TMEM18: variants seen among roughly 807,000 people sequenced by gnomAD.
The protein encoded by TMEM18 is transmembrane protein 18.
TMEM18 carries 14 observed loss-of-function variants against 17.4 expected under a neutral mutation model. The ratio of observed to expected loss-of-function variants is 0.80; its 90% CI spans 0.53 to 1.25. TMEM18 has a LOEUF of 1.25. Ranked by LOEUF, TMEM18 falls within the 50% of genes most tolerant of loss-of-function variation. The pLI is 0.00. For missense variants in TMEM18, 187 were observed against 172.1 expected (o/e 1.09, Z -0.48); for synonymous variants, 86 against 66.1 (o/e 1.30, Z -1.46).
At position 666,219 on chromosome 2, in the gene TMEM18, C is replaced by A. The variant is rs1013384833; in HGVS notation, c.*3361G>T. ...CAGGACTGGAGCAGAAGGCAGTAGCCCTGAGGCTTACAGAGCAGACCCTAT... is the reference window on the plus strand; with the variant it reads ...CAGGACTGGAGCAGAAGGCAGTAGCACTGAGGCTTACAGAGCAGACCCTAT... On this transcript the variant is annotated 3_prime_UTR_variant, in exon 5 of 5. Coordinates refer to ENST00000281017, the MANE Select transcript of TMEM18 (RefSeq NM_152834.4). Among the ~76,000 whole-genome samples, 1 of 152,164 alleles carries A rather than the reference C, an allele frequency of 6.6e-6. No individual in the cohort carries two copies. The highest frequency in any genetic ancestry group is 1.5e-5 in the Non-Finnish European group (1 of 68,026).
intron 2 of TMEM18, among the ~76,000 whole-genome samples, chr2:673,764 G>C (rs1277135164): frequency 7.0e-6 from 1 of 143,338 alleles, no homozygotes; most frequent in Non-Finnish European, 1.5e-5. Context: ...GGGAGGATGG[G>C]GGGGAAGGAG....
At position 667,550 on chromosome 2, in the gene TMEM18, T is replaced by C. The variant is rs1030710022; in HGVS notation, c.*2030A>G. 6.6e-6 allele frequency: 1 copy of C among 152,232 alleles called. No individual in the cohort carries two copies. Among genetic ancestry groups the C allele is most frequent in the African/African-American group, 2.4e-5 (1 of 41,460 alleles). 9.4% of individuals were successfully genotyped at this position (152,232 alleles called of 1,614,324 possible). A position where few individuals can be genotyped will look rare whatever the true frequency, so the allele number is the denominator to read the frequency against. ...GTGCTCTGTGCAACCCCCAGTGCTT[T>C]AAAGTGGGATTGCACCTGTGCTTTC... On this transcript the variant is annotated 3_prime_UTR_variant, in exon 5 of 5. Transcript: ENST00000281017.
Position 676,104 on chromosome 2 carries a change from A to G in TMEM18, c.58-474T>C, listed in dbSNP as rs370432018. Reference sequence around the variant, plus strand: ...CATCATTTCAGACTCCTTAGTCAGCACTGAAGACCTCAGGGAATCTTGAGC... The same window carrying G: ...CATCATTTCAGACTCCTTAGTCAGCGCTGAAGACCTCAGGGAATCTTGAGC... On this transcript the variant is annotated intron_variant, in intron 1 of 4. Coordinates refer to ENST00000281017, the MANE Select transcript of TMEM18 (RefSeq NM_152834.4). 5.0e-5 allele frequency: 66 copies of G among 1,322,558 alleles called. No homozygotes were observed. The East Asian group carries it at 6.3e-4, about 13-fold the overall frequency. 81.9% of individuals were successfully genotyped at this position (1,322,558 alleles called of 1,614,324 possible).
chr2:670,739 T>G (rs1054239632), intron 3 of TMEM18: 1 of 152,946 alleles, frequency 6.5e-6, no homozygotes, highest in Non-Finnish European at 1.5e-5. Flanking sequence ...CGTGGAGTCG[T>G]AGGCACAGCC....
intron 2 of TMEM18, among the ~76,000 whole-genome samples, chr2:675,093 C>A (rs994292735): frequency 2.0e-5 from 3 of 152,246 alleles, no homozygotes; most frequent in Admixed American, 2.0e-4. Flanking sequence ...AGTTCTGTAG[C>A]CCTTATCCTT....
rs781451628 is a variant in TMEM18 at position 675,581 on chromosome 2, G to A, written c.107C>T (p.Ala36Val). The change falls in exon 2 of 5, where the codon GCG (alanine) becomes GTG (valine). Residue 36 changes from alanine to valine, a missense_variant. By Grantham distance (64) the Ala-to-Val change is moderately conservative. Coordinates refer to ENST00000281017, the MANE Select transcript of TMEM18 (RefSeq NM_152834.4). ...CAAGCAGGTGAGGAGCACGCAGAGC[G>A]CGTGGAAGGTGGCCAGCCCCATGAG... ...PWLMGLATFHALCVLLTCLSS... is the reference protein window; with the variant it reads ...PWLMGLATFHVLCVLLTCLSS... The A allele has an allele frequency of 7.8e-5, 126 of 1,614,216 alleles. 1 individual carries two copies. Among genetic ancestry groups the A allele is most frequent in the South Asian group, 6.1e-4 (56 of 91,088 alleles).
At position 672,797 on chromosome 2, in the gene TMEM18, G is replaced by A; in HGVS notation, c.233+11C>T. ...GCAGGGACCTGGTCACAGGCCCGGG[G>A]GTGGGCTCACCTCCAGTTCATCGCA... On this transcript the variant is annotated intron_variant, in intron 3 of 4. Transcript: ENST00000281017. 10 of 1,465,492 alleles carry A rather than the reference G, an allele frequency of 6.8e-6. No individual in the cohort carries two copies. Among genetic ancestry groups the A allele is most frequent in the Non-Finnish European group, 9.0e-6 (10 of 1,111,096 alleles). The allele number at this position is 1,465,492 out of a possible 1,614,324, so 90.8% of individuals were successfully genotyped here.
In TMEM18 at chr2:675,604, G is replaced by A. The variant is rs966076282; in HGVS notation, c.84C>T (p.Leu28=). 1.1e-5 allele frequency: 17 copies of A among 1,614,042 alleles called. No homozygotes were observed. The highest frequency in any genetic ancestry group is 1.4e-5 in the Non-Finnish European group (16 of 1,180,042). The part of the protein sequence containing the change: ...LTQTDWTEPW[L]MGLATFHALC... ...GCGCGTGGAAGGTGGCCAGCCCCAT[G>A]AGCCAGGGCTCAGTCCAGTCCGTCT... The change falls in exon 2 of 5, where the codon CTC becomes CTT. Residue 28 remains leucine, a synonymous_variant. Coordinates refer to ENST00000281017, the MANE Select transcript of TMEM18 (RefSeq NM_152834.4).
At chr2:675,677 C>T (rs1289944305) in intron 1 of TMEM18, 47 bp from the exon 2 acceptor site, 9 of 1,605,072 alleles carry the variant, frequency 5.6e-6, no homozygotes, top group African/African-American at 1.3e-5. Flanking sequence ...CACTCAAGGC[C>T]GGGTTCACGG....
rs779726251 is a variant in TMEM18, at chr2:669,781, C to T, written c.303G>A (p.Leu101=). The stretch of plus-strand genomic sequence containing the variant: ...CCACAATGATCATGGCATTCACCAG[C>T]AGTGGGGCTGAAAATACTATAGAAA... The part of the protein sequence containing the change: ...MFISIVFSAP[L]LVNAMIIVVM... Residue 101 remains leucine (L), a synonymous_variant, in exon 4 of 5, where the codon CTG becomes CTA. Coordinates refer to ENST00000281017, the MANE Select transcript of TMEM18 (RefSeq NM_152834.4). 1 of 1,613,958 alleles carries T rather than the reference C, an allele frequency of 6.2e-7. No individual in the cohort carries two copies.
chr2:676,927 C>G, intron 1 of TMEM18: 1 of 476,970 alleles, frequency 2.1e-6, no homozygotes. Context: ...GACGCCAGCC[C>G]AGCCCAAGCC....
In TMEM18 at chr2:669,748, T is replaced by C. The variant is rs1678788844; in HGVS notation, c.327+9A>G. 3 of 1,613,980 alleles carry C rather than the reference T, an allele frequency of 1.9e-6. No individual in the cohort carries two copies. Among genetic ancestry groups the C allele is most frequent in the Non-Finnish European group, 2.5e-6 (3 of 1,179,840 alleles). On this transcript the variant is annotated intron_variant, in intron 4 of 4. Transcript: ENST00000281017. Reference sequence around the variant, plus strand: ...TGAAGAAAGACAACTGAAAGTGTCATCTACGTACCACAATGATCATGGCAT... The same window carrying C: ...TGAAGAAAGACAACTGAAAGTGTCACCTACGTACCACAATGATCATGGCAT...
chr2:676,415 C>T, intron 1 of TMEM18: 1 of 1,341,830 alleles, frequency 7.5e-7, no homozygotes, highest in Non-Finnish European at 1.0e-6. Flanking sequence ...CCCGCCCTGC[C>T]CTCCAAGCTG....
chr2:672,200 A>G (rs1678867054), intron 3 of TMEM18, among the ~76,000 whole-genome samples: 1 of 152,120 alleles, frequency 6.6e-6, no homozygotes, highest in Non-Finnish European at 1.5e-5. Flanking sequence ...CGTAAAAGCC[A>G]TTTTTAGCTC....
At chr2:671,372 T>C (rs1376538578) in intron 3 of TMEM18, among the ~76,000 whole-genome samples, 2 of 151,674 alleles carry the variant, frequency 1.3e-5, no homozygotes, top group Non-Finnish European at 2.9e-5. Context: ...GACTGAACCA[T>C]GTGAAGGCCC....
Position 669,784 on chromosome 2 carries a change from T to C in TMEM18, c.300A>G (p.Pro100=), listed in dbSNP as rs560980133. ...GMFISIVFSA[P]LLVNAMIIVV... ...CAATGATCATGGCATTCACCAGCAG[T>C]GGGGCTGAAAATACTATAGAAATGA... The change falls in exon 4 of 5, where the codon CCA becomes CCG. Residue 100 remains proline (P), a synonymous_variant. Coordinates refer to ENST00000281017, the MANE Select transcript of TMEM18 (RefSeq NM_152834.4). The C allele has an allele frequency of 6.2e-7, 1 of 1,614,076 alleles. No individual in the cohort carries two copies. The highest frequency in any genetic ancestry group is 8.5e-7 in the Non-Finnish European group (1 of 1,180,022).
At chr2:672,308 AG>A (rs1678870044) in intron 3 of TMEM18, among the ~76,000 whole-genome samples, 1 of 152,204 alleles carries the variant, frequency 6.6e-6, no homozygotes, top group African/African-American at 2.4e-5. Context: ...GGATGAAGCC[AG>A]GGGTAGAGGA....
intron 1 of TMEM18, chr2:676,477 C>G: frequency 8.5e-7 from 1 of 1,180,862 alleles, no homozygotes; most frequent in Non-Finnish European, 1.1e-6. Flanking sequence ...TCCAGAACTC[C>G]TGTGTCACTA....
rs763488442 is a variant in TMEM18, at chr2:675,642, C to T, written c.58-12G>A. ...GTCCAGTCCGTCTGCTGTAGGAACA[C>T]ACCAGCAGACACTCACTGTCCTGCC... On this transcript the variant is annotated splice_polypyrimidine_tract_variant and intron_variant, in intron 1 of 4. Transcript: ENST00000281017. 1.5e-5 allele frequency: 24 copies of T among 1,612,782 alleles called. No individual in the cohort carries two copies. The highest frequency in any genetic ancestry group is 1.9e-5 in the Non-Finnish European group (23 of 1,179,820).
Sources: allele counts gnomAD v4.1 joint callset (sites outside exome capture counted in the v4.1 genomes callset), GRCh38; gene constraint gnomAD v4.1.1; transcripts MANE v1.5; gene names NCBI Gene and HGNC (gene_info 2026-07-23, HGNC 2026-07-21).